Variants in CDH8 observed in about 807,000 individuals in gnomAD.
CDH8 encodes cadherin 8.
CDH8 carries 17 observed loss-of-function variants against 68.1 expected under a neutral mutation model. The ratio of observed to expected loss-of-function variants is 0.25; its 90% CI spans 0.17 to 0.37. The LOEUF is 0.37. CDH8 is among the 10% of genes least tolerant of loss of function. CDH8 has a pLI of 1.00. For missense variants in CDH8, 763 were observed against 999.3 expected, an observed-to-expected ratio of 0.76 and a Z score of 3.19; for synonymous variants, 372 against 365.1, an observed-to-expected ratio of 1.02 and a Z score of -0.21.
intron 1 of CDH8, among the ~76,000 whole-genome samples, chr16:62,026,977 A>G (rs1902211614): frequency 6.6e-6 from 1 of 152,232 alleles, no homozygotes; most frequent in Admixed American, 6.5e-5. Flanking sequence ...ACTTGATGCA[A>G]GGAAGAAGAA....
At chr16:61,939,740 A>G (rs985323508) in intron 2 of CDH8, among the ~76,000 whole-genome samples, 4 of 152,330 alleles carry the variant, frequency 2.6e-5, no homozygotes, top group Admixed American at 6.5e-5. Flanking sequence ...CCTGCTACAC[A>G]TAAAGTTAGA....
At chr16:61,749,471 G>GA (rs1346778588) in intron 8 of CDH8, among the ~76,000 whole-genome samples, 1 of 151,996 alleles carries the variant, frequency 6.6e-6, no homozygotes, top group Non-Finnish European at 1.5e-5. Flanking sequence ...TTACAGTTTA[G>GA]AAAACCCCAG....
At chr16:61,988,065 A>G (rs966256899) in intron 2 of CDH8, among the ~76,000 whole-genome samples, 1 of 152,192 alleles carries the variant, frequency 6.6e-6, no homozygotes, top group African/African-American at 2.4e-5. Context: ...TTGTTTAACA[A>G]AAATGTATCA....
intron 8 of CDH8, among the ~76,000 whole-genome samples, chr16:61,783,849 G>A (rs1596964853): frequency 6.6e-6 from 1 of 152,230 alleles, no homozygotes; most frequent in East Asian, 1.9e-4. Flanking sequence ...CTTCATAAGT[G>A]AAGGAGAAAT....
intron 6 of CDH8, chr16:61,817,988 TCA>T (rs892345978): frequency 1.4e-5 from 5 of 368,848 alleles, no homozygotes; most frequent in Admixed American, 1.3e-4. Context: ...CACAAAATAT[TCA>T]CAGTCATGAA....
intron 10 of CDH8, among the ~76,000 whole-genome samples, chr16:61,698,213 T>C (rs1174482443): frequency 1.3e-5 from 2 of 152,232 alleles, no homozygotes; most frequent in East Asian, 3.9e-4. Context: ...TAATTATTTG[T>C]GTTTTTTTAT....
chr16:61,976,991 A>T (rs1178516742), intron 2 of CDH8, among the ~76,000 whole-genome samples: 1 of 152,190 alleles, frequency 6.6e-6, no homozygotes, highest in East Asian at 1.9e-4. Flanking sequence ...CTAATAACAC[A>T]TGCAATCAAT....
chr16:61,660,724 T>A (rs1963538063), intron 10 of CDH8, among the ~76,000 whole-genome samples: 1 of 152,004 alleles, frequency 6.6e-6, no homozygotes, highest in African/African-American at 2.4e-5. Flanking sequence ...ACAGCAAAAA[T>A]TTCATAGAAA....
At chr16:61,929,324 C>T (rs16964086) in intron 2 of CDH8, among the ~76,000 whole-genome samples, 5,789 of 152,194 alleles carry the variant, frequency 0.038, 363 homozygotes, top group African/African-American at 0.13. Context: ...TATCTAGTAG[C>T]TTTGGTATCA....
intron 8 of CDH8, among the ~76,000 whole-genome samples, chr16:61,766,434 C>T (rs1030905607): frequency 3.3e-5 from 5 of 151,968 alleles, no homozygotes; most frequent in South Asian, 2.1e-4. Context: ...AACTGTGAAT[C>T]GCACTGTGAT....
At chr16:61,739,769 C>CAAACAAAA (rs1959808929) in intron 8 of CDH8, among the ~76,000 whole-genome samples, 1 of 133,142 alleles carries the variant, frequency 7.5e-6, no homozygotes, top group South Asian at 2.2e-4. Flanking sequence ...GAAAAACAAA[C>CAAACAAAA]AAACAAAAAA....
At chr16:61,998,132 C>T (rs1321730513) in intron 2 of CDH8, among the ~76,000 whole-genome samples, 2 of 151,864 alleles carry the variant, frequency 1.3e-5, no homozygotes, top group East Asian at 3.9e-4. Context: ...CCCCAACTTG[C>T]TGGAAAAAGG....
chr16:61,669,662 C>T (rs1963752245), intron 10 of CDH8, among the ~76,000 whole-genome samples: 2 of 151,996 alleles, frequency 1.3e-5, no homozygotes, highest in Admixed American at 1.3e-4. Context: ...TGATCCTTGC[C>T]TTTCTAGTCT....
intron 4 of CDH8, among the ~76,000 whole-genome samples, chr16:61,847,541 TATATA>T (rs1962834136): frequency 6.6e-5 from 2 of 30,360 alleles, no homozygotes; most frequent in Non-Finnish European, 9.7e-5. Context: ...AATCATTTTA[TATATA>T]TATATATATA....
chr16:61,856,638 T>C (rs144880945), intron 4 of CDH8, among the ~76,000 whole-genome samples: 5 of 152,264 alleles, frequency 3.3e-5, no homozygotes, highest in East Asian at 1.9e-4. Flanking sequence ...GCAAATGTAA[T>C]AATATCTAAA....
intron 10 of CDH8, among the ~76,000 whole-genome samples, chr16:61,662,549 T>C (rs1394152952): frequency 1.3e-5 from 2 of 151,910 alleles, no homozygotes; most frequent in Middle Eastern, 3.4e-3. Flanking sequence ...TAGAAGGATA[T>C]GCTGACAAGA....
At chr16:61,801,723 G>A (rs1320551695) in intron 7 of CDH8, among the ~76,000 whole-genome samples, 1 of 152,152 alleles carries the variant, frequency 6.6e-6, no homozygotes, top group Non-Finnish European at 1.5e-5. Context: ...CTGGAAAATC[G>A]GGTCACTCCC....
At chr16:61,784,949 G>A (rs1020295678) in intron 8 of CDH8, among the ~76,000 whole-genome samples, 33 of 151,402 alleles carry the variant, frequency 2.2e-4, no homozygotes, top group African/African-American at 7.5e-4. Flanking sequence ...TGTGTAGAGG[G>A]AAATTTATAG....
chr16:61,769,340 A>T (rs1353644939), intron 8 of CDH8, among the ~76,000 whole-genome samples: 1 of 151,862 alleles, frequency 6.6e-6, no homozygotes. Context: ...ACTATGTTAC[A>T]TGCATTATAC....
Sources: gnomAD v4.1 joint callset for allele counts (sites outside exome capture counted in the v4.1 genomes callset) on GRCh38, gnomAD v4.1.1 for gene constraint, MANE v1.5 for transcripts, NCBI Gene and HGNC (gene_info 2026-07-23, HGNC 2026-07-21) for gene names.